RAD51B: variants seen among roughly 807,000 people sequenced by gnomAD.
The protein encoded by RAD51B is DNA repair protein RAD51 homolog 2.
A neutral mutation model predicts 42.2 loss-of-function variants in RAD51B; 38 were observed. That is an observed-to-expected ratio of 0.90 (90% CI 0.70 to 1.18). RAD51B has a LOEUF of 1.18. Among genes scored for constraint, RAD51B ranks in the 50% most tolerant of loss-of-function variants. The pLI is 0.00. For missense variants in RAD51B, 373 were observed against 400.7 expected, an observed-to-expected ratio of 0.93 and a Z score of 0.59; for synonymous variants, 154 against 145.2, an observed-to-expected ratio of 1.06 and a Z score of -0.43.
At chr14:68,265,968 G>A (rs987412965) in intron 7 of RAD51B, among the ~76,000 whole-genome samples, 1 of 152,146 alleles carries the variant, frequency 6.6e-6, no homozygotes, top group Non-Finnish European at 1.5e-5. Context: ...ATAAGGTGTA[G>A]CACTACTAAA....
intron 7 of RAD51B, among the ~76,000 whole-genome samples, chr14:68,184,368 T>C (rs2079113974): frequency 6.6e-6 from 1 of 152,082 alleles, no homozygotes; most frequent in Non-Finnish European, 1.5e-5. Context: ...CCTGAGTAGC[T>C]GGGACTACAG....
At chr14:67,985,702 G>T (rs962941710) in intron 7 of RAD51B, among the ~76,000 whole-genome samples, 10 of 150,684 alleles carry the variant, frequency 6.6e-5, no homozygotes, top group Non-Finnish European at 1.5e-4. Context: ...TTGCGTTCCA[G>T]ACCAGCCTGT....
intron 10 of RAD51B, among the ~76,000 whole-genome samples, chr14:68,629,332 T>A (rs79492825): frequency 0.032 from 4,835 of 152,220 alleles, 235 homozygotes; most frequent in African/African-American, 0.11. Flanking sequence ...TTGCATTGTC[T>A]CCAGGGGGTT....
intron 10 of RAD51B, among the ~76,000 whole-genome samples, chr14:68,531,265 T>C (rs935248207): frequency 9.9e-5 from 15 of 152,040 alleles, no homozygotes; most frequent in East Asian, 1.9e-4. Context: ...GTAAGTCAAA[T>C]ATGATGGTAA....
chr14:68,343,001 T>C (rs921638949), intron 8 of RAD51B, among the ~76,000 whole-genome samples: 5 of 151,988 alleles, frequency 3.3e-5, no homozygotes, highest in Non-Finnish European at 7.4e-5. Context: ...TTTTTGCTTA[T>C]TTTTAAATTT....
At chr14:67,936,123 A>G (rs2044936439) in intron 7 of RAD51B, among the ~76,000 whole-genome samples, 1 of 152,212 alleles carries the variant, frequency 6.6e-6, no homozygotes, top group South Asian at 2.1e-4. Flanking sequence ...CACCCTTTTA[A>G]GGTACACAAT....
chr14:68,033,056 A>G (rs2140374493), intron 7 of RAD51B, among the ~76,000 whole-genome samples: 1 of 152,276 alleles, frequency 6.6e-6, no homozygotes, highest in South Asian at 2.1e-4. Flanking sequence ...TTATTACCGT[A>G]TCATCATGGT....
intron 7 of RAD51B, among the ~76,000 whole-genome samples, chr14:68,115,634 T>A (rs992267910): frequency 6.6e-6 from 1 of 151,644 alleles, no homozygotes; most frequent in Non-Finnish European, 1.5e-5. Flanking sequence ...CAAGCTGTTG[T>A]AAGTCAAACT....
intron 7 of RAD51B, among the ~76,000 whole-genome samples, chr14:68,184,781 C>T (rs181500236): frequency 6.6e-6 from 1 of 152,292 alleles, no homozygotes; most frequent in African/African-American, 2.4e-5. Flanking sequence ...AAAATATGAA[C>T]AATCCCCAAA....
intron 8 of RAD51B, among the ~76,000 whole-genome samples, chr14:68,407,883 C>G (rs1353171126): frequency 6.6e-6 from 1 of 151,890 alleles, no homozygotes; most frequent in Non-Finnish European, 1.5e-5. Flanking sequence ...GGCAGGTGGG[C>G]GCAGGGTAGA....
chr14:68,403,689 G>T lies in RAD51B; in HGVS notation c.854-7735G>T, dbSNP rs368524716. On this transcript the variant is annotated intron_variant, in intron 8 of 10. Transcript: ENST00000471583. ...ACCAACTCCCACACCAAATGAGTAA[G>T]GAATTGGATCCAAAAGATAGTCATG... 2.0e-5 allele frequency among the ~76,000 whole-genome samples: 3 copies of T among 152,296 alleles called. No homozygotes were observed. The East Asian group carries it at 5.8e-4, about 29-fold the overall frequency.
At chr14:68,511,905 C>G (rs1334057779) in intron 10 of RAD51B, among the ~76,000 whole-genome samples, 1 of 152,192 alleles carries the variant, frequency 6.6e-6, no homozygotes, top group Non-Finnish European at 1.5e-5. Flanking sequence ...TTCATTCATT[C>G]AGTTTTTACT....
chr14:67,891,389 C>T (rs1321278619), intron 7 of RAD51B, among the ~76,000 whole-genome samples: 11 of 152,038 alleles, frequency 7.2e-5, no homozygotes, highest in Admixed American at 6.6e-4. Flanking sequence ...ATATCCATTG[C>T]TCTAATTTAT....
chr14:68,388,042 A>G (rs927521501), intron 8 of RAD51B, among the ~76,000 whole-genome samples: 12 of 148,728 alleles, frequency 8.1e-5, no homozygotes, highest in Non-Finnish European at 1.3e-4. Flanking sequence ...TAACTTACAT[A>G]TGTGACTTGC....
chr14:68,120,129 G>A (rs2077621964), intron 7 of RAD51B, among the ~76,000 whole-genome samples: 1 of 151,994 alleles, frequency 6.6e-6, no homozygotes, highest in Non-Finnish European at 1.5e-5. Context: ...TTTGAGAAGT[G>A]TCTGTTCATG....
At chr14:68,300,769 A>G (rs1484608532) in intron 8 of RAD51B, among the ~76,000 whole-genome samples, 1 of 152,164 alleles carries the variant, frequency 6.6e-6, no homozygotes, top group African/African-American at 2.4e-5. Context: ...TGAGGCCTAA[A>G]TTTAACCATG....
At chr14:67,951,843 T>C (rs1268760079) in intron 7 of RAD51B, among the ~76,000 whole-genome samples, 2 of 152,222 alleles carry the variant, frequency 1.3e-5, no homozygotes, top group South Asian at 2.1e-4. Context: ...TCACATTTTT[T>C]CTTCTGCCTT....
intron 7 of RAD51B, among the ~76,000 whole-genome samples, chr14:68,286,907 C>T (rs897465990): frequency 1.3e-5 from 2 of 152,206 alleles, no homozygotes; most frequent in African/African-American, 4.8e-5. Context: ...GTTAATTCTG[C>T]TTATTCTCTC....
chr14:68,299,940 A>G (rs921925983), intron 8 of RAD51B, among the ~76,000 whole-genome samples: 1 of 152,120 alleles, frequency 6.6e-6, no homozygotes, highest in African/African-American at 2.4e-5. Flanking sequence ...TATCTTTCAC[A>G]CCTAGTAATT....
Sources: gnomAD v4.1 joint callset for allele counts (sites outside exome capture counted in the v4.1 genomes callset) on GRCh38, gnomAD v4.1.1 for gene constraint, MANE v1.5 for transcripts, NCBI Gene and HGNC (gene_info 2026-07-23, HGNC 2026-07-21) for gene names.